NMBR: variants seen among roughly 807,000 people sequenced by gnomAD.
NMBR encodes the protein neuromedin B receptor.
In NMBR, 16 loss-of-function variants were observed where a neutral mutation model predicts 20.5. The observed-to-expected ratio is 0.78, with a 90% confidence interval of 0.53 to 1.19. The LOEUF is 1.19. Ranked by LOEUF, NMBR falls within the 50% of genes most tolerant of loss-of-function variation. The pLI is 0.00. For missense variants in NMBR, 582 were observed against 499.1 expected (o/e 1.17, Z -1.58); for synonymous variants, 212 against 196.6 (o/e 1.08, Z -0.65).
At chr6:142,101,001 C>T (rs948519207) in intron 1 of NMBR, among the ~76,000 whole-genome samples, 1 of 152,112 alleles carries the variant, frequency 6.6e-6, no homozygotes, top group Non-Finnish European at 1.5e-5. Flanking sequence ...GAGCAGAGAA[C>T]AATTCACAAA....
chr6:142,085,621 A>G (rs903146873), intron 2 of NMBR, among the ~76,000 whole-genome samples: 17 of 152,184 alleles, frequency 1.1e-4, no homozygotes, highest in African/African-American at 3.9e-4. Flanking sequence ...GGTGGATTCA[A>G]AATATTTGTG....
intron 1 of NMBR, among the ~76,000 whole-genome samples, chr6:142,100,977 T>C (rs1415560575): frequency 6.6e-6 from 1 of 152,210 alleles, no homozygotes; most frequent in Non-Finnish European, 1.5e-5. Context: ...AATTAAATTT[T>C]ACAAAGTTTA....
At chr6:142,138,877 A>G (rs776446215) in intron 1 of NMBR, among the ~76,000 whole-genome samples, 1 of 152,210 alleles carries the variant, frequency 6.6e-6, no homozygotes, top group Non-Finnish European at 1.5e-5. Flanking sequence ...CAGTTAAGTT[A>G]CTTGGAAACA....
At chr6:142,131,052 C>T (rs560198755) in intron 1 of NMBR, among the ~76,000 whole-genome samples, 1 of 152,250 alleles carries the variant, frequency 6.6e-6, no homozygotes, top group Non-Finnish European at 1.5e-5. Context: ...CTACTGTAGT[C>T]ATCCTATTCC....
intron 1 of NMBR, among the ~76,000 whole-genome samples, chr6:142,115,140 G>A (rs1259572238): frequency 2.0e-5 from 3 of 152,144 alleles, no homozygotes; most frequent in East Asian, 1.9e-4. Context: ...ATGCAAATAC[G>A]TCAAGTGACC....
intron 2 of NMBR, among the ~76,000 whole-genome samples, chr6:142,080,659 C>T (rs1777076375): frequency 6.6e-6 from 1 of 152,136 alleles, no homozygotes; most frequent in Non-Finnish European, 1.5e-5. Context: ...AATTTAATCT[C>T]TTTCCAGGTT....
Position 142,106,837 on chromosome 6 carries a change from G to A in NMBR, c.-663-17516C>T, listed in dbSNP as rs80218248. ...GTAAAAGTTAAGTCAAGACAAGATG[G>A]CCAGAAAAGCACCTTAAACAAAGGT... On this transcript the variant is annotated intron_variant, in intron 1 of 3. Transcript: ENST00000258042. Among the ~76,000 whole-genome samples, 859 of 152,290 alleles carry A rather than the reference G, an allele frequency of 5.6e-3. 11 individuals carry two copies. The highest frequency in any genetic ancestry group is 0.018 in the African/African-American group (758 of 41,574).
At chr6:142,104,004 T>C (rs546070717) in intron 1 of NMBR, among the ~76,000 whole-genome samples, 1 of 152,170 alleles carries the variant, frequency 6.6e-6, no homozygotes, top group African/African-American at 2.4e-5. Flanking sequence ...TTTGTATGCT[T>C]GTAAAGCTTT....
intron 1 of NMBR, among the ~76,000 whole-genome samples, chr6:142,126,730 C>A (rs1298237412): frequency 2.1e-5 from 3 of 143,616 alleles, no homozygotes; most frequent in African/African-American, 7.7e-5. Flanking sequence ...ATTTTTCTGC[C>A]CATTTTTGAG....
intron 1 of NMBR, among the ~76,000 whole-genome samples, chr6:142,099,566 C>T (rs1018753827): frequency 2.6e-5 from 4 of 152,102 alleles, no homozygotes; most frequent in East Asian, 3.9e-4. Flanking sequence ...GCCCCTCCCC[C>T]GACATGTGCA....
intron 1 of NMBR, among the ~76,000 whole-genome samples, chr6:142,097,667 C>A (rs1777483171): frequency 6.6e-6 from 1 of 151,972 alleles, no homozygotes; most frequent in Admixed American, 6.6e-5. Flanking sequence ...GGCTGACATG[C>A]ACTTGGAAAT....
chr6:142,135,498 A>C (rs577984788), intron 1 of NMBR, among the ~76,000 whole-genome samples: 162 of 151,528 alleles, frequency 1.1e-3, no homozygotes, highest in African/African-American at 3.9e-3. Flanking sequence ...CTTTTCTTTT[A>C]TTTATTATTA....
intron 2 of NMBR, among the ~76,000 whole-genome samples, chr6:142,079,162 GAGGAAAGGAA>G (rs71021654): frequency 7.2e-6 from 1 of 138,778 alleles, no homozygotes; most frequent in Non-Finnish European, 1.6e-5. Context: ...GAGGAGAGGA[GAGGAAAGGAA>G]AGGAAAGGGA....
At chr6:142,086,320 G>T (rs894805140) in intron 2 of NMBR, among the ~76,000 whole-genome samples, 1 of 152,092 alleles carries the variant, frequency 6.6e-6, no homozygotes, top group African/African-American at 2.4e-5. Flanking sequence ...CACAAAAAAA[G>T]TTAGCACTGT....
intron 1 of NMBR, among the ~76,000 whole-genome samples, chr6:142,123,677 T>A (rs1777983998): frequency 6.6e-6 from 1 of 151,876 alleles, no homozygotes; most frequent in Non-Finnish European, 1.5e-5. Flanking sequence ...CCCTCCACGG[T>A]GAAAATATTA....
chr6:142,133,090 G>A (rs1778173435), intron 1 of NMBR: 1 of 603,794 alleles, frequency 1.7e-6, no homozygotes, highest in Non-Finnish European at 3.0e-6. Flanking sequence ...TTTGATTCTG[G>A]CAGAAGCAAA....
intron 1 of NMBR, among the ~76,000 whole-genome samples, chr6:142,138,152 C>A (rs1035949236): frequency 2.6e-5 from 4 of 152,154 alleles, no homozygotes; most frequent in African/African-American, 7.2e-5. Flanking sequence ...GCCTTACCAA[C>A]AATCATTTGA....
chr6:142,127,319 G>A (rs778799444), intron 1 of NMBR, among the ~76,000 whole-genome samples: 30 of 151,622 alleles, frequency 2.0e-4, no homozygotes, highest in Non-Finnish European at 3.5e-4. Flanking sequence ...CTTATTTTGG[G>A]GATCCCTTAA....
intron 1 of NMBR, among the ~76,000 whole-genome samples, chr6:142,098,233 A>C (rs1192504864): frequency 6.6e-6 from 1 of 152,138 alleles, no homozygotes; most frequent in African/African-American, 2.4e-5. Context: ...AAAATTTGCC[A>C]AGATGAGAAA....
Sources: allele counts gnomAD v4.1 joint callset (sites outside exome capture counted in the v4.1 genomes callset), GRCh38; gene constraint gnomAD v4.1.1; transcripts MANE v1.5; gene names NCBI Gene and HGNC (gene_info 2026-07-23, HGNC 2026-07-21).